The following ABCB4 variants were observed in gnomAD, a reference collection of about 807,000 sequenced individuals.
The protein encoded by ABCB4 is phosphatidylcholine translocator ABCB4.
Under a neutral mutation model 145.7 loss-of-function variants are expected in ABCB4, and 76 were observed. The ratio of observed to expected loss-of-function variants is 0.52; its 90% confidence interval spans 0.43 to 0.63. The LOEUF (loss-of-function observed/expected upper bound fraction) is 0.63. Ranked by LOEUF, ABCB4 falls within the 30% of genes least tolerant of loss-of-function variation. The pLI is 0.00. For missense variants in ABCB4, 1,234 were observed against 1,553.1 expected (o/e 0.79, Z 3.45); for synonymous variants, 517 against 566.8 (o/e 0.91, Z 1.25).
the ABCB4 span, among the ~76,000 whole-genome samples, chr7:87,380,217 T>G: frequency 4.6e-5 from 1 of 21,952 alleles, no homozygotes; most frequent in Non-Finnish European, 2.5e-4. Context: ...GAATATGTTC[T>G]TTTGTGATTA....
At position 87,443,252 on chromosome 7, in the gene ABCB4, A is replaced by C. The variant is rs774900617; in HGVS notation, c.1356+67T>G. 1.7e-5 allele frequency: 27 copies of C among 1,609,248 alleles called. 1 individual carries two copies. In the Admixed American group the frequency reaches 1.8e-4, roughly 11 times the overall value. On this transcript the variant is annotated intron_variant, in intron 12 of 27. Transcript: ENST00000649586. ...TTCACACGCAAATTTGTTACTGAAA[A>C]ACCAATTTCAAAGGGCCAATTTGTA...
At chr7:87,378,183 A>T in the ABCB4 span, among the ~76,000 whole-genome samples, 1 of 151,948 alleles carries the variant, frequency 6.6e-6, no homozygotes, top group Non-Finnish European at 1.5e-5. Flanking sequence ...GTCTCTACAA[A>T]AAATACAAAA....
chr7:87,402,102 G>C lies in ABCB4; in HGVS notation c.3834C>G (p.Asn1278Lys). Reference protein sequence around the residue: ...SMVSVQAGTQNL With the variant: ...SMVSVQAGTQKL ...AATATACTGTAGCAAAAGTTCATAAGTTCTGTGTCCCAGCCTGGACACTGA... is the reference window on the plus strand; with the variant it reads ...AATATACTGTAGCAAAAGTTCATAACTTCTGTGTCCCAGCCTGGACACTGA... Residue 1278 changes from asparagine (N) to lysine (K), a missense_variant, in exon 28 of 28, where the codon AAC becomes AAG. Asn to Lys is a moderately conservative substitution (Grantham distance 94, BLOSUM62 0). Around this residue, in one of 7 missense-constraint regions of ABCB4, gnomAD observed 58 missense variants for 75.9 expected, o/e 0.76. Transcript: ENST00000649586. 6.2e-7 allele frequency: 1 copy of C among 1,614,080 alleles called. No homozygotes were observed. Among genetic ancestry groups the C allele is most frequent in the Non-Finnish European group, 8.5e-7 (1 of 1,180,014 alleles).
intron 14 of ABCB4, among the ~76,000 whole-genome samples, chr7:87,433,066 T>A (rs1810353295): frequency 6.6e-6 from 1 of 152,166 alleles, no homozygotes; most frequent in Admixed American, 6.5e-5. Context: ...GAAATAGACA[T>A]AAACCATCTA....
chr7:87,465,947 GA>G (rs1008565089), intron 3 of ABCB4, among the ~76,000 whole-genome samples: 2 of 152,028 alleles, frequency 1.3e-5, no homozygotes, highest in Admixed American at 1.3e-4. Context: ...CAAAGATGGG[GA>G]AAAAACAGAA....
downstream of ABCB4, among the ~76,000 whole-genome samples, chr7:87,397,946 T>TTA (rs1158637732): frequency 2.0e-5 from 3 of 152,190 alleles, no homozygotes; most frequent in Non-Finnish European, 2.9e-5. Flanking sequence ...TCTCTCCTAT[T>TTA]TATTTCAGCT....
Position 87,423,918 on chromosome 7 carries a change from T to C in ABCB4, c.2199A>G (p.Ser733=). The C allele has an allele frequency of 6.2e-7, 1 of 1,614,078 alleles. No homozygotes were observed. The highest frequency in any genetic ancestry group is 1.3e-5 in the African/African-American group (1 of 75,042). ...TTTGCAAACTTACCGCTATGATCTC[T>C]GAGAATATGACTGAAAATGCCGGCT... The part of the protein sequence containing the change: ...GLQPAFSVIF[S]EIIAIFGPGD... Residue 733 remains serine (S), a synonymous_variant, in exon 17 of 28, where the codon TCA becomes TCG. Transcript: ENST00000649586.
At chr7:87,406,180 T>G (rs1199592358) in intron 26 of ABCB4, 108 bp downstream of exon 26, 2 of 1,175,140 alleles carry the variant, frequency 1.7e-6, no homozygotes, top group South Asian at 2.5e-5. Flanking sequence ...AAGTTGTTAA[T>G]GTTAGTAAAT....
chr7:87,387,520 C>T, the ABCB4 span, among the ~76,000 whole-genome samples: 107,034 of 151,668 alleles, frequency 0.71, 39,710 homozygotes, highest in Middle Eastern at 0.83. Flanking sequence ...TCCCCAAGCC[C>T]CCAGTGCATT....
Position 87,450,089 on chromosome 7 carries a change from G to C in ABCB4, c.712C>G (p.Leu238Val), listed in dbSNP as rs45596335. The C allele has an allele frequency of 2.3e-4, 373 of 1,614,068 alleles. 2 individuals carry two copies. The African/African-American group carries it at 4.7e-3, about 20-fold the overall frequency. ...AGTTCTTTGTCACTAAATGCCGAGAGTATCTGGACAGAAAAGAAACAGTGA... is the reference window on the plus strand; with the variant it reads ...AGTTCTTTGTCACTAAATGCCGAGACTATCTGGACAGAAAAGAAACAGTGA... The part of the protein sequence containing the change: ...GLSAAVWAKI[L>V]SAFSDKELAA... Residue 238 changes from leucine (L) to valine (V), a missense_variant, in exon 8 of 28, where the codon CTC becomes GTC. Around this residue, in one of 7 missense-constraint regions of ABCB4, gnomAD observed 467 missense variants for 632.8 expected, o/e 0.74. Transcript: ENST00000649586.
chr7:87,390,323 C>T, the ABCB4 span, among the ~76,000 whole-genome samples: 464 of 152,232 alleles, frequency 3.0e-3, 3 homozygotes, highest in African/African-American at 0.01. Flanking sequence ...TTTTACCTAA[C>T]GTTTCAGTAG....
At chr7:87,410,787 GA>G (rs1283518350) in intron 23 of ABCB4, among the ~76,000 whole-genome samples, 1 of 152,150 alleles carries the variant, frequency 6.6e-6, no homozygotes, top group African/African-American at 2.4e-5. Flanking sequence ...TTGGCCAATG[GA>G]AGGCACAGCA....
chr7:87,443,048 T>C (rs570318435), intron 12 of ABCB4, among the ~76,000 whole-genome samples: 11 of 152,344 alleles, frequency 7.2e-5, no homozygotes, highest in South Asian at 4.1e-4. Flanking sequence ...CTCAGTGGTT[T>C]GTAGACTGCT....
chr7:87,473,682 T>C (rs148639864), intron 2 of ABCB4, among the ~76,000 whole-genome samples: 203 of 152,310 alleles, frequency 1.3e-3, no homozygotes, highest in Middle Eastern at 0.01. Flanking sequence ...GTATGTACAT[T>C]ATTTATGTCT....
intron 21 of ABCB4, among the ~76,000 whole-genome samples, chr7:87,416,936 T>C (rs886352746): frequency 1.3e-5 from 2 of 152,234 alleles, no homozygotes; most frequent in African/African-American, 2.4e-5. Context: ...AGAGGATCTC[T>C]TAAATGCCAG....
At chr7:87,415,295 A>G (rs1808890010) in intron 21 of ABCB4, among the ~76,000 whole-genome samples, 1 of 151,730 alleles carries the variant, frequency 6.6e-6, no homozygotes, top group African/African-American at 2.4e-5. Flanking sequence ...ACCCTGTTGT[A>G]CTTTAATGAT....
At chr7:87,467,452 C>G (rs1431111286) in intron 3 of ABCB4, among the ~76,000 whole-genome samples, 1 of 152,114 alleles carries the variant, frequency 6.6e-6, no homozygotes, top group Non-Finnish European at 1.5e-5. Context: ...TAATGGGAGA[C>G]TTTAAGACCC....
chr7:87,402,687 A>G (rs962153757), intron 27 of ABCB4, among the ~76,000 whole-genome samples: 5 of 152,228 alleles, frequency 3.3e-5, no homozygotes, highest in African/African-American at 1.2e-4. Context: ...AATTTAGAAT[A>G]AAATATTCCA....
chr7:87,443,893 A>AG (rs1383772130), intron 10 of ABCB4, 120 bp from the exon 11 acceptor site: 4 of 739,152 alleles, frequency 5.4e-6, no homozygotes, highest in African/African-American at 3.5e-5. Flanking sequence ...CCTTTACATA[A>AG]GAAAAACCCA....
Sources: allele counts gnomAD v4.1 joint callset (sites outside exome capture counted in the v4.1 genomes callset), GRCh38; gene constraint gnomAD v4.1.1; regional missense constraint gnomAD v4.1.1; transcripts MANE v1.5; gene names NCBI Gene and HGNC (gene_info 2026-07-23, HGNC 2026-07-21).